TP53I13: variants seen among roughly 807,000 people sequenced by gnomAD.
The protein encoded by TP53I13 is tumor protein p53 inducible protein 13.
In TP53I13, 27 loss-of-function variants were observed where a neutral mutation model predicts 39.1. The observed-to-expected ratio is 0.69, with a 90% CI of 0.51 to 0.95. The LOEUF (loss-of-function observed/expected upper bound fraction) is 0.95, where lower values mean the gene tolerates loss of function less well. TP53I13 is among the 40% of genes least tolerant of loss of function. TP53I13 has a pLI of 0.00. For missense variants in TP53I13, 544 were observed against 520.4 expected, an observed-to-expected ratio of 1.05 and a Z score of -0.44; for synonymous variants, 230 against 224.6, an observed-to-expected ratio of 1.02 and a Z score of -0.22.
chr17:29,576,940 C>T (rs1273994622), downstream of TP53I13: 5 of 1,595,256 alleles, frequency 3.1e-6, no homozygotes, highest in Non-Finnish European at 1.7e-6. Context: ...GCCACGCTGT[C>T]GTAGTCGTGT....
upstream of TP53I13, chr17:29,566,714 G>A (rs774245141): frequency 4.4e-6 from 7 of 1,579,486 alleles, no homozygotes; most frequent in Admixed American, 1.8e-5. Flanking sequence ...CGCAGGGCGC[G>A]CAGCAGGCAC....
At chr17:29,575,359 G>A, downstream of TP53I13, 2 of 1,613,700 alleles carry the variant, frequency 1.2e-6, no homozygotes, top group Non-Finnish European at 1.7e-6. This position sits in a 1 kb window ranked among gnomAD's most constrained non-coding sequence, Gnocchi z 5.5. Context: ...CTGTCTTCAA[G>A]ATGACATCCT....
In TP53I13 at chr17:29,569,006, TTGGACCCACAGGTGATGGC is replaced by T; in HGVS notation, c.73-5_86del. 1 of 1,608,292 alleles carries T rather than the reference TTGGACCCACAGGTGATGGC, an allele frequency of 6.2e-7. No individual in the cohort carries two copies. Among genetic ancestry groups the T allele is most frequent in the Non-Finnish European group, 8.5e-7 (1 of 1,178,272 alleles). Reference sequence around the variant, plus strand: ...GCGTCCAGCGCCCCAACTCTTCGCTTTGGACCCACAGGTGATGGCTGGACCGGCGGAGGAGGCGGGAGCC... The same window carrying T: ...GCGTCCAGCGCCCCAACTCTTCGCTTTGGACCGGCGGAGGAGGCGGGAGCC... On this transcript the variant is annotated splice_acceptor_variant and splice_polypyrimidine_tract_variant and coding_sequence_variant and intron_variant, in exon 2 of 7. Transcript: ENST00000301057. LOFTEE classifies it high-confidence loss of function.
chr17:29,572,176 G>A lies in TP53I13; in HGVS notation c.548G>A (p.Arg183Gln), dbSNP rs577200698. 9.3e-6 allele frequency: 15 copies of A among 1,608,216 alleles called. No individual in the cohort carries two copies. Among genetic ancestry groups the A allele is most frequent in the East Asian group, 6.7e-5 (3 of 44,706 alleles). ...CTGGCCTTTGCTCTGCGGAGCTGGC[G>A]GCCCCCTGGCACAGAGGTGACATCT... is the stretch of plus-strand genomic sequence containing the variant. ...LALAFALRSW[R>Q]PPGTEVTSQG... Residue 183 changes from arginine (R) to glutamine (Q), a missense_variant, in exon 6 of 7, where the codon CGG becomes CAG. Physicochemically the swap from Arg to Gln is conservative, Grantham distance 43. Transcript: ENST00000301057.
downstream of TP53I13, chr17:29,576,182 C>T (rs765301728): frequency 1.2e-5 from 20 of 1,609,472 alleles, no homozygotes; most frequent in South Asian, 1.9e-4. Flanking sequence ...GGCAGCCCCA[C>T]CCATCTCCCC....
At chr17:29,569,181 G>A in intron 2 of TP53I13, 95 bp downstream of exon 2, 4 of 1,491,262 alleles carry the variant, frequency 2.7e-6, no homozygotes, top group Non-Finnish European at 3.7e-6. Flanking sequence ...ACCATCTGAG[G>A]ACCTCTGCCG....
At chr17:29,581,201 G>A in the TP53I13 span, 1 of 711,540 alleles carries the variant, frequency 1.4e-6, no homozygotes, top group Non-Finnish European at 2.6e-6. This position sits in a 1 kb window ranked among gnomAD's most constrained non-coding sequence, Gnocchi z 4.8. Context: ...AGGGACTGAG[G>A]ACTAAGCTGT....
chr17:29,576,433 C>A, downstream of TP53I13: 2 of 1,612,612 alleles, frequency 1.2e-6, no homozygotes, highest in Non-Finnish European at 1.7e-6. Flanking sequence ...GCAGGTTCTC[C>A]GCCTGCAGCT....
the TP53I13 span, chr17:29,578,984 G>A: frequency 1.9e-6 from 3 of 1,613,906 alleles, no homozygotes; most frequent in East Asian, 2.2e-5. Flanking sequence ...CACTTTTGCC[G>A]AGATCTAAGT....
chr17:29,577,291 T>G (rs771910899), downstream of TP53I13: 1 of 1,506,842 alleles, frequency 6.6e-7, no homozygotes, highest in Admixed American at 1.7e-5. Flanking sequence ...GGACCCCTTA[T>G]GACTGACGCA....
the TP53I13 span, chr17:29,581,879 C>G: frequency 6.2e-7 from 1 of 1,606,902 alleles, no homozygotes; most frequent in Non-Finnish European, 8.5e-7. This position sits in a 1 kb window ranked among gnomAD's most constrained non-coding sequence, Gnocchi z 4.8. Context: ...CAGCAGCCCT[C>G]ACCCACACCC....
chr17:29,569,738 A>G (rs1346365351), intron 3 of TP53I13: 4 of 233,898 alleles, frequency 1.7e-5, no homozygotes, highest in African/African-American at 6.6e-5. Flanking sequence ...AGGAGAGGGT[A>G]TTAATTCTGT....
chr17:29,575,261 C>A (rs1371027651), downstream of TP53I13: 1 of 1,592,846 alleles, frequency 6.3e-7, no homozygotes, highest in African/African-American at 1.3e-5. The surrounding 1 kb of genome is among the most constrained non-coding windows in gnomAD (Gnocchi z 5.5). Flanking sequence ...GAACTGCATC[C>A]CCCTCACCTC....
upstream of TP53I13, chr17:29,566,573 C>G (rs748506576): frequency 6.2e-7 from 1 of 1,608,760 alleles, no homozygotes; most frequent in South Asian, 1.1e-5. Flanking sequence ...ACTAGCCCAT[C>G]GTCCGCCAAC....
chr17:29,579,228 C>T, the TP53I13 span: 1 of 563,014 alleles, frequency 1.8e-6, no homozygotes, highest in Non-Finnish European at 3.2e-6. Context: ...TCACCTGAAG[C>T]CTCCCTCACC....
At position 29,569,053 on chromosome 17, in the gene TP53I13, T is replaced by C. The variant is rs1201956598; in HGVS notation, c.108T>C (p.His36=). The part of the protein sequence containing the change: ...MAGPAEEAGA[H]CPESLWPLPP... ...GACCGGCGGAGGAGGCGGGAGCCCA[T>C]TGTCCCGAGAGCCTGTGGCCTCTGC... Residue 36 remains histidine (H), a synonymous_variant, in exon 2 of 7, where the codon CAT becomes CAC. Coordinates refer to ENST00000301057, the MANE Select transcript of TP53I13 (RefSeq NM_138349.4). 5.0e-6 allele frequency: 8 copies of C among 1,605,728 alleles called. No individual in the cohort carries two copies. The highest frequency in any genetic ancestry group is 5.1e-6 in the Non-Finnish European group (6 of 1,177,048).
upstream of TP53I13, chr17:29,566,970 G>A (rs1419144013): frequency 3.7e-6 from 5 of 1,352,788 alleles, no homozygotes; most frequent in Admixed American, 1.2e-4. Flanking sequence ...GCGGCATGGC[G>A]AAGCTGGAGA....
Position 29,572,160 on chromosome 17 carries a change from G to A in TP53I13, c.532G>A (p.Ala178Thr). ...TCCTTAGGCCCTGGCTCTGGCCTTT[G>A]CTCTGCGGAGCTGGCGGCCCCCTGG... ...GCVQALALAF[A>T]LRSWRPPGTE... The change falls in exon 6 of 7, where the codon GCT becomes ACT. Residue 178 changes from alanine to threonine, a missense_variant. Coordinates refer to ENST00000301057, the MANE Select transcript of TP53I13 (RefSeq NM_138349.4). 2 of 1,608,020 alleles carry A rather than the reference G, an allele frequency of 1.2e-6. No homozygotes were observed. The highest frequency in any genetic ancestry group is 1.7e-6 in the Non-Finnish European group (2 of 1,176,722).
At chr17:29,580,569 C>T in the TP53I13 span, among the ~76,000 whole-genome samples, 212 of 152,284 alleles carry the variant, frequency 1.4e-3, 1 homozygote, top group Non-Finnish European at 2.7e-3. Context: ...GAAGCAGAAA[C>T]ACCTCATTCA....
Sources: allele counts gnomAD v4.1 joint callset (sites outside exome capture counted in the v4.1 genomes callset), GRCh38; gene constraint gnomAD v4.1.1; non-coding constraint Gnocchi (gnomAD v3.1); transcripts MANE v1.5; gene names NCBI Gene and HGNC (gene_info 2026-07-23, HGNC 2026-07-21).